ST6GALNAC3: variants seen among roughly 807,000 people sequenced by gnomAD.
ST6GALNAC3 encodes the protein alpha-N-acetylgalactosaminide alpha-2,6-sialyltransferase 3.
In ST6GALNAC3, 25 loss-of-function variants were observed where a neutral mutation model predicts 32.7. That is an observed-to-expected ratio of 0.76 (90% CI 0.56 to 1.07). The LOEUF (loss-of-function observed/expected upper bound fraction) is 1.07, where lower values mean the gene tolerates loss of function less well. Ranked by LOEUF, ST6GALNAC3 falls within the 50% of genes least tolerant of loss-of-function variation. ST6GALNAC3 has a pLI of 0.00. For synonymous variants in ST6GALNAC3, 129 were observed against 133.1 expected (o/e 0.97, Z 0.21); for missense variants, 355 against 382.4 (o/e 0.93, Z 0.60).
At position 76,141,279 on chromosome 1, in the gene ST6GALNAC3, A is replaced by G. The variant is rs1684948; in HGVS notation, c.18+66395A>G. On this transcript the variant is annotated intron_variant, in intron 1 of 4. Coordinates refer to ENST00000328299, the MANE Select transcript of ST6GALNAC3 (RefSeq NM_152996.4). Reference sequence around the variant, plus strand: ...CTTAGAACTATCTCCATTTCCAGAAAAGAGAGGGTTTCTCTCGTCTGTTGC... The same window carrying G: ...CTTAGAACTATCTCCATTTCCAGAAGAGAGAGGGTTTCTCTCGTCTGTTGC... Among the ~76,000 whole-genome samples the G allele has an allele frequency of 2.3e-4, 35 of 152,248 alleles. No homozygotes were observed. The East Asian group carries it at 6.8e-3, about 29-fold the overall frequency.
At chr1:76,411,921 C>A in intron 2 of ST6GALNAC3, 87 bp from the exon 3 acceptor site, 1 of 1,391,260 alleles carries the variant, frequency 7.2e-7, no homozygotes, top group Non-Finnish European at 9.8e-7. Flanking sequence ...GGTAATTATA[C>A]AATATATGAA....
intron 3 of ST6GALNAC3, among the ~76,000 whole-genome samples, chr1:76,536,975 G>A (rs1458911651): frequency 6.6e-6 from 1 of 152,114 alleles, no homozygotes; most frequent in African/African-American, 2.4e-5. Flanking sequence ...ACTCAGCTCT[G>A]GATCAAGTGG....
chr1:76,095,436 G>A (rs1647113890), intron 1 of ST6GALNAC3, among the ~76,000 whole-genome samples: 1 of 152,156 alleles, frequency 6.6e-6, no homozygotes, highest in African/African-American at 2.4e-5. Flanking sequence ...ATTAGTTGAT[G>A]TTTAGAAAGA....
At chr1:76,361,702 G>A (rs1025097369) in intron 2 of ST6GALNAC3, among the ~76,000 whole-genome samples, 1 of 152,120 alleles carries the variant, frequency 6.6e-6, no homozygotes, top group Non-Finnish European at 1.5e-5. Flanking sequence ...CTGAGGCCCA[G>A]GCATGGTGGC....
At chr1:76,440,505 A>G (rs1416562735) in intron 3 of ST6GALNAC3, among the ~76,000 whole-genome samples, 1 of 152,254 alleles carries the variant, frequency 6.6e-6, no homozygotes, top group Non-Finnish European at 1.5e-5. Flanking sequence ...GATTATGCCA[A>G]GGGCAAAATA....
chr1:76,372,077 G>T (rs1318513547), intron 2 of ST6GALNAC3, among the ~76,000 whole-genome samples: 6 of 152,070 alleles, frequency 3.9e-5, no homozygotes, highest in Non-Finnish European at 8.8e-5. Context: ...CTTATCTGGG[G>T]AGAACACACA....
rs554799898 is a variant in ST6GALNAC3 at position 76,222,163 on chromosome 1, A to T, written c.19-91642A>T. ...AATGTGCTTTTGCAATGGGGAAAGG[A>T]CTCCCTATTTAATAAATAGTGCTGG... On this transcript the variant is annotated intron_variant, in intron 1 of 4. Transcript: ENST00000328299. 2.6e-5 allele frequency among the ~76,000 whole-genome samples: 4 copies of T among 152,190 alleles called. No individual in the cohort carries two copies. In the South Asian group the frequency reaches 8.3e-4, roughly 32 times the overall value.
At chr1:76,294,154 A>G (rs1396244675) in intron 1 of ST6GALNAC3, among the ~76,000 whole-genome samples, 1 of 152,130 alleles carries the variant, frequency 6.6e-6, no homozygotes, top group African/African-American at 2.4e-5. Flanking sequence ...CCCACTATTC[A>G]GTATTTAAAT....
chr1:76,526,467 G>C (rs1012490154), intron 3 of ST6GALNAC3, among the ~76,000 whole-genome samples: 1 of 151,980 alleles, frequency 6.6e-6, no homozygotes, highest in Admixed American at 6.6e-5. Context: ...CCTTTAATTT[G>C]AAGTGGCCTT....
chr1:76,291,272 G>A (rs1360868102), intron 1 of ST6GALNAC3, among the ~76,000 whole-genome samples: 1 of 152,194 alleles, frequency 6.6e-6, no homozygotes, highest in Non-Finnish European at 1.5e-5. Context: ...TTGGAGGGGC[G>A]GGCTGATTGA....
intron 1 of ST6GALNAC3, among the ~76,000 whole-genome samples, chr1:76,105,827 TA>T (rs895484721): frequency 3.3e-5 from 5 of 152,302 alleles, no homozygotes; most frequent in South Asian, 4.1e-4. Context: ...CTATTACATT[TA>T]AAAAAATATT....
intron 1 of ST6GALNAC3, among the ~76,000 whole-genome samples, chr1:76,312,322 TAGA>T (rs951227226): frequency 1.3e-5 from 2 of 152,114 alleles, no homozygotes; most frequent in Non-Finnish European, 2.9e-5. Context: ...ATAAAAACCC[TAGA>T]AGAAAACCTA....
chr1:76,533,467 C>T (rs972252074), intron 3 of ST6GALNAC3, among the ~76,000 whole-genome samples: 72 of 152,106 alleles, frequency 4.7e-4, no homozygotes, highest in African/African-American at 1.6e-3. Context: ...TCTCTTTTTC[C>T]TACATCACCC....
chr1:76,450,984 A>T lies in ST6GALNAC3; in HGVS notation c.623+38567A>T, dbSNP rs371130212. On this transcript the variant is annotated intron_variant, in intron 3 of 4. Coordinates refer to ENST00000328299, the MANE Select transcript of ST6GALNAC3 (RefSeq NM_152996.4). ...GTATAGTTTGAAGTCAGGTAATGTG[A>T]TGTCTTCAGATTTGTTCTTTTTGCT... Among the ~76,000 whole-genome samples the T allele has an allele frequency of 1.5e-3, 229 of 152,230 alleles. No homozygotes were observed. In the Middle Eastern group the frequency reaches 0.027, roughly 18 times the overall value.
intron 1 of ST6GALNAC3, among the ~76,000 whole-genome samples, chr1:76,193,058 G>A (rs1653993092): frequency 6.6e-6 from 1 of 152,156 alleles, no homozygotes; most frequent in African/African-American, 2.4e-5. Context: ...GTTTAGAAGT[G>A]TCATATAAAA....
At chr1:76,197,053 C>T (rs1434724304) in intron 1 of ST6GALNAC3, among the ~76,000 whole-genome samples, 1 of 152,160 alleles carries the variant, frequency 6.6e-6, no homozygotes, top group Non-Finnish European at 1.5e-5. Context: ...AGCCAGATGG[C>T]TGGGTTCCAA....
intron 1 of ST6GALNAC3, among the ~76,000 whole-genome samples, chr1:76,143,812 T>C (rs1219485935): frequency 6.6e-6 from 1 of 152,092 alleles, no homozygotes; most frequent in East Asian, 1.9e-4. Flanking sequence ...GAAAATATGA[T>C]AGGGGCTGCG....
chr1:76,193,077 C>G (rs1414196294), intron 1 of ST6GALNAC3, among the ~76,000 whole-genome samples: 1 of 152,060 alleles, frequency 6.6e-6, no homozygotes, highest in Non-Finnish European at 1.5e-5. Flanking sequence ...AAACTAGAAA[C>G]AAGCTTTTGT....
intron 2 of ST6GALNAC3, among the ~76,000 whole-genome samples, chr1:76,348,734 A>T (rs1310467051): frequency 6.6e-6 from 1 of 152,140 alleles, no homozygotes; most frequent in Non-Finnish European, 1.5e-5. Flanking sequence ...TTATTCATTC[A>T]TGCATGCATG....
Sources: gnomAD v4.1 joint callset for allele counts (sites outside exome capture counted in the v4.1 genomes callset) on GRCh38, gnomAD v4.1.1 for gene constraint, MANE v1.5 for transcripts, NCBI Gene and HGNC (gene_info 2026-07-23, HGNC 2026-07-21) for gene names.